Variants in CSMD1 observed in about 807,000 individuals in gnomAD.
CSMD1 encodes the protein CUB and sushi domain-containing protein 1.
CSMD1 carries 213 observed loss-of-function variants against 417.5 expected under a neutral mutation model. That is an observed-to-expected ratio of 0.51 (90% CI 0.46 to 0.57). The LOEUF (loss-of-function observed/expected upper bound fraction) is 0.57. Among genes scored for constraint, CSMD1 ranks in the 20% least tolerant of loss-of-function variants. CSMD1 has a pLI of 0.00. For missense variants in CSMD1, 6,923 were observed against 4,529.7 expected (o/e 1.53, Z -15.17); for synonymous variants, 2,862 against 1,736.8 (o/e 1.65, Z -16.11).
chr8:2,977,795 C>T (rs895276865), intron 55 of CSMD1, among the ~76,000 whole-genome samples: 2 of 152,086 alleles, frequency 1.3e-5, no homozygotes, highest in African/African-American at 2.4e-5. Flanking sequence ...CAAAAGAAGA[C>T]ATTTATGTGG....
chr8:4,058,636 G>T (rs1309875281), intron 3 of CSMD1, among the ~76,000 whole-genome samples: 1 of 149,868 alleles, frequency 6.7e-6, no homozygotes, highest in African/African-American at 2.5e-5. Flanking sequence ...GGCAGGGGTT[G>T]CAATCCTAGT....
chr8:3,247,839 A>C (rs901963423), intron 26 of CSMD1, among the ~76,000 whole-genome samples: 7 of 152,374 alleles, frequency 4.6e-5, no homozygotes, highest in Admixed American at 2.6e-4. Context: ...GTACAAAATT[A>C]GGCAATGTCA....
At chr8:3,420,479 G>A (rs970485785) in intron 12 of CSMD1, among the ~76,000 whole-genome samples, 6 of 148,604 alleles carry the variant, frequency 4.0e-5, no homozygotes, top group East Asian at 2.2e-4. Context: ...AGTTAATAAC[G>A]TTTCCATGTT....
At position 4,897,825 on chromosome 8, in the gene CSMD1, T is replaced by C. The variant is rs192622346; in HGVS notation, c.85+96507A>G. On this transcript the variant is annotated intron_variant, in intron 1 of 69. Coordinates refer to ENST00000635120, the MANE Select transcript of CSMD1 (RefSeq NM_033225.6). Reference sequence around the variant, plus strand: ...CAGAAGAGACAGAGACTTAAATAAGTTTTTGTATAATGCTAAGAAGAGAAA... The same window carrying C: ...CAGAAGAGACAGAGACTTAAATAAGCTTTTGTATAATGCTAAGAAGAGAAA... Among the ~76,000 whole-genome samples the C allele has an allele frequency of 1.1e-3, 165 of 152,288 alleles. 2 individuals are homozygous for C. Among genetic ancestry groups the C allele is most frequent in the Admixed American group, 6.0e-3 (91 of 15,294 alleles).
intron 2 of CSMD1, among the ~76,000 whole-genome samples, chr8:4,427,200 T>C (rs1797608927): frequency 1.3e-5 from 2 of 152,294 alleles, no homozygotes; most frequent in South Asian, 4.1e-4. Context: ...AGGGACCATC[T>C]AACGATTCCT....
intron 1 of CSMD1, among the ~76,000 whole-genome samples, chr8:4,870,227 C>T (rs1432738348): frequency 1.3e-5 from 2 of 152,112 alleles, no homozygotes; most frequent in Non-Finnish European, 2.9e-5. Flanking sequence ...CTTCATCCCA[C>T]AACTCAAAAG....
At chr8:4,489,781 C>A (rs1330252581) in intron 2 of CSMD1, among the ~76,000 whole-genome samples, 1 of 152,146 alleles carries the variant, frequency 6.6e-6, no homozygotes, top group African/African-American at 2.4e-5. Flanking sequence ...AAAAGCAGAT[C>A]CTTCTTTAGT....
At chr8:4,500,162 TAA>T (rs1285690203) in intron 2 of CSMD1, among the ~76,000 whole-genome samples, 11 of 152,236 alleles carry the variant, frequency 7.2e-5, no homozygotes, top group Non-Finnish European at 1.6e-4. Context: ...GTGAAAAGTA[TAA>T]AGAGGCTGGG....
At chr8:3,344,580 CATTT>C (rs1289274843) in intron 22 of CSMD1, among the ~76,000 whole-genome samples, 1 of 152,162 alleles carries the variant, frequency 6.6e-6, no homozygotes, top group Non-Finnish European at 1.5e-5. Context: ...TAAAAATAAA[CATTT>C]ATTACACGAT....
At chr8:3,831,125 A>AT in intron 5 of CSMD1, among the ~76,000 whole-genome samples, 1 of 152,294 alleles carries the variant, frequency 6.6e-6, no homozygotes, top group Middle Eastern at 3.4e-3. Flanking sequence ...TGTTAACAAT[A>AT]TTTCACAAAT....
intron 1 of CSMD1, among the ~76,000 whole-genome samples, chr8:4,769,246 G>T (rs1411489393): frequency 2.0e-5 from 3 of 152,216 alleles, no homozygotes; most frequent in East Asian, 3.9e-4. Flanking sequence ...ATAAAACACT[G>T]GAAAAGGCAG....
chr8:4,952,363 G>C (rs970261928), intron 1 of CSMD1, among the ~76,000 whole-genome samples: 14 of 137,618 alleles, frequency 1.0e-4, no homozygotes, highest in Non-Finnish European at 2.2e-4. Context: ...AATAATGTAT[G>C]CGTTGATTCA....
At chr8:3,461,784 G>T (rs1213656534) in intron 12 of CSMD1, among the ~76,000 whole-genome samples, 9 of 152,188 alleles carry the variant, frequency 5.9e-5, no homozygotes, top group Non-Finnish European at 1.3e-4. Flanking sequence ...TTATCCATGG[G>T]GACTCTCTTA....
At position 4,110,665 on chromosome 8, in the gene CSMD1, T is replaced by G. The variant is rs1801803886; in HGVS notation, c.416-78566A>C. ...GTGTGTGTGCATGTGTGTGTTTCTATAAAGTTACCTAAGAAAATGTTTTGC... is the reference window on the plus strand; with the variant it reads ...GTGTGTGTGCATGTGTGTGTTTCTAGAAAGTTACCTAAGAAAATGTTTTGC... On this transcript the variant is annotated intron_variant, in intron 3 of 69. Coordinates refer to ENST00000635120, the MANE Select transcript of CSMD1 (RefSeq NM_033225.6). Among the ~76,000 whole-genome samples, 2 of 152,082 alleles carry G rather than the reference T, an allele frequency of 1.3e-5. 1 individual carries two copies. The highest frequency in any genetic ancestry group is 2.9e-5 in the Non-Finnish European group (2 of 68,000).
chr8:4,278,427 C>T (rs557489945), intron 3 of CSMD1, among the ~76,000 whole-genome samples: 2 of 152,172 alleles, frequency 1.3e-5, no homozygotes, highest in African/African-American at 2.4e-5. Flanking sequence ...GATACAATTA[C>T]ATCTGATGCT....
At chr8:2,986,164 G>GTAATTGACAATTT (rs1805890699) in intron 54 of CSMD1, among the ~76,000 whole-genome samples, 1 of 152,180 alleles carries the variant, frequency 6.6e-6, no homozygotes, top group African/African-American at 2.4e-5. Flanking sequence ...ATTGACAATT[G>GTAATTGACAATTT]TAATTGATTG....
intron 25 of CSMD1, among the ~76,000 whole-genome samples, chr8:3,295,404 G>C (rs1224563315): frequency 6.6e-6 from 1 of 152,116 alleles, no homozygotes; most frequent in Non-Finnish European, 1.5e-5. Context: ...GGGATTAGAG[G>C]TGTGAGCCAC....
At chr8:3,292,497 G>A (rs1038296279) in intron 25 of CSMD1, among the ~76,000 whole-genome samples, 2 of 152,184 alleles carry the variant, frequency 1.3e-5, no homozygotes, top group African/African-American at 4.8e-5. Context: ...CTTGCTTCAA[G>A]AATCTGCGTG....
chr8:4,117,441 C>G (rs188255465), intron 3 of CSMD1, among the ~76,000 whole-genome samples: 1 of 152,202 alleles, frequency 6.6e-6, no homozygotes, highest in African/African-American at 2.4e-5. Flanking sequence ...GGACCGCATG[C>G]TGCAATTTCA....
Sources: gnomAD v4.1 joint callset for allele counts (sites outside exome capture counted in the v4.1 genomes callset) on GRCh38, gnomAD v4.1.1 for gene constraint, MANE v1.5 for transcripts, NCBI Gene and HGNC (gene_info 2026-07-23, HGNC 2026-07-21) for gene names.